The following RIMS1 variants were observed in gnomAD, a reference collection of about 807,000 sequenced individuals.
The protein encoded by RIMS1 is regulating synaptic membrane exocytosis 1.
A neutral mutation model predicts 214.1 loss-of-function variants in RIMS1; 83 were observed. That is an observed-to-expected ratio of 0.39 (90% CI 0.32 to 0.47). The LOEUF (loss-of-function observed/expected upper bound fraction) is 0.47. Among genes scored for constraint, RIMS1 ranks in the 20% least tolerant of loss-of-function variants. RIMS1 has a pLI of 0.99. For synonymous variants in RIMS1, 793 were observed against 786.8 expected, an observed-to-expected ratio of 1.01 and a Z score of -0.13; for missense variants, 2,050 against 2,161.8, an observed-to-expected ratio of 0.95 and a Z score of 1.03.
At chr6:72,186,480 G>C (rs2049116038) in intron 6 of RIMS1, among the ~76,000 whole-genome samples, 1 of 152,168 alleles carries the variant, frequency 6.6e-6, no homozygotes, top group Non-Finnish European at 1.5e-5. Flanking sequence ...TGCTTATGTA[G>C]AAAAGGTTTC....
intron 2 of RIMS1, among the ~76,000 whole-genome samples, chr6:72,011,340 A>G (rs1301239283): frequency 6.6e-6 from 1 of 152,234 alleles, no homozygotes; most frequent in Non-Finnish European, 1.5e-5. Flanking sequence ...AAGATAGATT[A>G]AAGACTTAAA....
chr6:72,247,948 A>G (rs2071012861), intron 11 of RIMS1, 67 bp from the exon 12 acceptor site: 2 of 1,030,682 alleles, frequency 1.9e-6, no homozygotes, highest in South Asian at 1.3e-5. Context: ...TAAAGGATGC[A>G]TTTAACATTT....
chr6:72,009,802 A>T (rs1809612939), intron 2 of RIMS1, among the ~76,000 whole-genome samples: 1 of 152,224 alleles, frequency 6.6e-6, no homozygotes, highest in Non-Finnish European at 1.5e-5. Context: ...TGAATAGACC[A>T]ATAACAGGCT....
chr6:72,263,855 T>C (rs1373714928), intron 19 of RIMS1: 4 of 407,632 alleles, frequency 9.8e-6, no homozygotes, highest in Non-Finnish European at 1.3e-5. Context: ...TAGGTGGGCA[T>C]GGTGGCAGGT....
In RIMS1 at chr6:72,292,030, C is replaced by T. The variant is rs192801038; in HGVS notation, c.3834C>T (p.Ser1278=). 5.3e-5 allele frequency: 83 copies of T among 1,554,758 alleles called. No homozygotes were observed. In the African/African-American group the frequency reaches 9.5e-4, roughly 18 times the overall value. Residue 1278 remains serine, a synonymous_variant, in exon 26 of 34, where the codon AGC becomes AGT. Transcript: ENST00000521978. ...AGCTCCCACAAGTGCCAGTGAGAAG[C>T]GGCAGTATAGAACAAGGTATCCGAT... ...GRQLPQVPVR[S]GSIEQASLVV... is the part of the protein sequence containing the mutation.
At chr6:72,006,913 A>G (rs990457403) in intron 2 of RIMS1, among the ~76,000 whole-genome samples, 26 of 152,240 alleles carry the variant, frequency 1.7e-4, no homozygotes, top group African/African-American at 6.3e-4. Context: ...GCATAGCCAA[A>G]CAAAAGACAG....
intron 27 of RIMS1, among the ~76,000 whole-genome samples, chr6:72,307,818 C>CA (rs755307447): frequency 1.8e-4 from 27 of 151,854 alleles, no homozygotes; most frequent in African/African-American, 6.0e-4. Flanking sequence ...GCCAAAAAAA[C>CA]AAAAAACTCT....
intron 4 of RIMS1, among the ~76,000 whole-genome samples, chr6:72,105,058 G>C (rs1433831421): frequency 6.6e-6 from 1 of 152,028 alleles, no homozygotes; most frequent in Non-Finnish European, 1.5e-5. Flanking sequence ...AGTCTCCTGA[G>C]CAGCTAGGAC....
At chr6:72,103,121 G>C (rs1282710258) in intron 4 of RIMS1, among the ~76,000 whole-genome samples, 1 of 152,006 alleles carries the variant, frequency 6.6e-6, no homozygotes, top group African/African-American at 2.4e-5. Context: ...AATAAGAAAA[G>C]TTTAGAATGT....
At chr6:72,365,919 T>A (rs2097994322) in intron 29 of RIMS1, 2 of 152,196 alleles carry the variant, frequency 1.3e-5, no homozygotes, top group Non-Finnish European at 2.9e-5. Flanking sequence ...AGAATTTGGT[T>A]GTGTTTTGGA....
At chr6:72,299,659 AACTTT>A (rs1187077601) in intron 26 of RIMS1, among the ~76,000 whole-genome samples, 5 of 151,912 alleles carry the variant, frequency 3.3e-5, no homozygotes, top group East Asian at 3.9e-4. Context: ...TATGAGCATT[AACTTT>A]ACTTTAGTGG....
At position 72,160,478 on chromosome 6, in the gene RIMS1, G is replaced by T. The variant is rs1222755588; in HGVS notation, c.472-19097G>T. Reference sequence around the variant, plus strand: ...TCTTGTGCCAGTTTTCAAAGGGAATGCTTCCAGTTTTTGCCCATTCAGTAT... The same window carrying T: ...TCTTGTGCCAGTTTTCAAAGGGAATTCTTCCAGTTTTTGCCCATTCAGTAT... On this transcript the variant is annotated intron_variant, in intron 4 of 33. Transcript: ENST00000521978. Among the ~76,000 whole-genome samples, 7 of 139,702 alleles carry T rather than the reference G, an allele frequency of 5.0e-5. 1 individual carries two copies. The highest frequency in any genetic ancestry group is 2.4e-4 in the South Asian group (1 of 4,178). The allele number at this position is 139,702 out of a possible 152,430, so 91.6% of individuals were successfully genotyped here. A position where few individuals can be genotyped will look rare whatever the true frequency, so the allele number is the denominator to read the frequency against.
At chr6:72,068,650 G>A (rs911452445) in intron 2 of RIMS1, among the ~76,000 whole-genome samples, 11 of 152,166 alleles carry the variant, frequency 7.2e-5, no homozygotes, top group Non-Finnish European at 1.5e-4. Context: ...CTGGCGGGGC[G>A]TGGTGGCTCA....
intron 6 of RIMS1, among the ~76,000 whole-genome samples, chr6:72,183,523 T>TA (rs5877316): frequency 0.68 from 98,718 of 146,200 alleles, 33,390 homozygotes; most frequent in East Asian, 0.83. Flanking sequence ...AAGTAGACAT[T>TA]AAAAAAAAAC....
rs545472493 is a variant in RIMS1 at position 72,088,305 on chromosome 6, A to G, written c.246-8644A>G. 4.6e-5 allele frequency among the ~76,000 whole-genome samples: 7 copies of G among 151,322 alleles called. 1 individual carries two copies. In the South Asian group the frequency reaches 1.5e-3, roughly 32 times the overall value. The stretch of plus-strand genomic sequence containing the variant: ...CTCTTGTCACCCAGGCTGAAGTGCA[A>G]TGGCCTGATCTCGGCTCACTGCAAC... On this transcript the variant is annotated intron_variant, in intron 2 of 33. Coordinates refer to ENST00000521978, the MANE Select transcript of RIMS1 (RefSeq NM_014989.7).
intron 4 of RIMS1, among the ~76,000 whole-genome samples, chr6:72,110,830 G>A (rs2035927392): frequency 6.6e-6 from 1 of 152,100 alleles, no homozygotes; most frequent in Non-Finnish European, 1.5e-5. Flanking sequence ...TATGATATTG[G>A]CTGTGGATTT....
At chr6:72,095,538 C>G (rs182026465) in intron 2 of RIMS1, among the ~76,000 whole-genome samples, 1 of 152,284 alleles carries the variant, frequency 6.6e-6, no homozygotes, top group East Asian at 1.9e-4. Context: ...CTAAACTACA[C>G]TGTTATGTGC....
At chr6:72,094,455 G>T (rs140154851) in intron 2 of RIMS1, among the ~76,000 whole-genome samples, 1 of 151,930 alleles carries the variant, frequency 6.6e-6, no homozygotes, top group Non-Finnish European at 1.5e-5. Flanking sequence ...TAAAATTCCC[G>T]TATGTTTGAA....
At chr6:72,036,784 A>G (rs1480303831) in intron 2 of RIMS1, among the ~76,000 whole-genome samples, 3 of 152,314 alleles carry the variant, frequency 2.0e-5, no homozygotes, top group Non-Finnish European at 4.4e-5. Flanking sequence ...AAACAAGCTG[A>G]AGCCATCTAA....
Sources: allele counts gnomAD v4.1 joint callset (sites outside exome capture counted in the v4.1 genomes callset), GRCh38; gene constraint gnomAD v4.1.1; transcripts MANE v1.5; gene names NCBI Gene and HGNC (gene_info 2026-07-23, HGNC 2026-07-21).